KIF5C: variants seen among roughly 807,000 people sequenced by gnomAD.
KIF5C encodes kinesin heavy chain isoform 5C.
A neutral mutation model predicts 125.2 loss-of-function variants in KIF5C; 18 were observed. The observed-to-expected ratio is 0.14, with a 90% confidence interval of 0.10 to 0.21. The LOEUF is 0.21. Among genes scored for constraint, KIF5C ranks in the 10% least tolerant of loss-of-function variants. The probability of loss-of-function intolerance (pLI) is 1.00; values close to 1 mark genes in which losing one functional copy is unlikely to be tolerated. For missense variants in KIF5C, 780 were observed against 1,183.8 expected (o/e 0.66, Z 5.01); for synonymous variants, 405 against 434.0 (o/e 0.93, Z 0.83).
At chr2:149,000,222 C>A in intron 19 of KIF5C, 1 of 533,838 alleles carries the variant, frequency 1.9e-6, no homozygotes, top group Non-Finnish European at 3.2e-6. Flanking sequence ...TGTTTCATGA[C>A]TCTTAGATGC....
At chr2:148,881,347 A>G (rs1403048538) in intron 1 of KIF5C, among the ~76,000 whole-genome samples, 1 of 152,086 alleles carries the variant, frequency 6.6e-6, no homozygotes, top group Non-Finnish European at 1.5e-5. Flanking sequence ...GCTCTAGACT[A>G]CGTTAGCTGT....
chr2:148,998,617 T>A, intron 19 of KIF5C, 108 bp downstream of exon 19: 1 of 1,480,202 alleles, frequency 6.8e-7, no homozygotes, highest in Non-Finnish European at 9.1e-7. Context: ...CACCTTGCCC[T>A]GTGGGCACTG....
chr2:148,992,142 A>G (rs1005922341), intron 16 of KIF5C, among the ~76,000 whole-genome samples: 1 of 152,222 alleles, frequency 6.6e-6, no homozygotes, highest in African/African-American at 2.4e-5. Flanking sequence ...TAACCATAAT[A>G]ATGTGTAATC....
At chr2:148,958,302 T>C (rs1259977100) in intron 10 of KIF5C, among the ~76,000 whole-genome samples, 1 of 152,182 alleles carries the variant, frequency 6.6e-6, no homozygotes, top group African/African-American at 2.4e-5. Context: ...CTCTCTCCAG[T>C]AGTAGTTGAC....
At chr2:148,948,816 T>C (rs921328054) in intron 8 of KIF5C, among the ~76,000 whole-genome samples, 1 of 152,190 alleles carries the variant, frequency 6.6e-6, no homozygotes, top group Non-Finnish European at 1.5e-5. Flanking sequence ...AGAAAGCATC[T>C]TAAAATAACA....
At chr2:148,922,082 T>C in intron 1 of KIF5C, 55 bp from the exon 2 acceptor site, 1 of 1,248,744 alleles carries the variant, frequency 8.0e-7, no homozygotes, top group South Asian at 1.3e-5. Flanking sequence ...TTTTTATTCC[T>C]AAACATCTAA....
At position 148,991,014 on chromosome 2, in the gene KIF5C, CA is replaced by C; in HGVS notation, c.1722del (p.Asp575MetfsTer2). 1 of 1,612,690 alleles carries C rather than the reference CA, an allele frequency of 6.2e-7. No individual in the cohort carries two copies. The highest frequency in any genetic ancestry group is 8.5e-7 in the Non-Finnish European group (1 of 1,179,196). ...TGTGTCCCCTTCTTTGCTCAGTTGGCAGATGTGAATGGAGTCATTGAGGAGG... is the reference window on the plus strand; with the variant it reads ...TGTGTCCCCTTCTTTGCTCAGTTGGCGATGTGAATGGAGTCATTGAGGAGG... ...IIGTNDVKTL[A>X]DVNGVIEEEF... On this transcript the variant is annotated frameshift_variant, in exon 16 of 26. Transcript: ENST00000435030. LOFTEE classifies it high-confidence loss of function.
intron 1 of KIF5C, among the ~76,000 whole-genome samples, chr2:148,909,448 C>T (rs1558885639): frequency 6.6e-6 from 1 of 152,252 alleles, no homozygotes; most frequent in Admixed American, 6.5e-5. Flanking sequence ...TCTCCACTCC[C>T]TCAGAATGAA....
chr2:149,018,711 C>T (rs1009351960), intron 25 of KIF5C, among the ~76,000 whole-genome samples: 3 of 152,084 alleles, frequency 2.0e-5, no homozygotes, highest in Admixed American at 6.5e-5. Context: ...TGGCAGCTTA[C>T]GCCTGTAGTC....
In KIF5C at chr2:149,010,350, C is replaced by T. The variant is rs200547595; in HGVS notation, c.2766C>T (p.Ile922=). 3.6e-5 allele frequency: 56 copies of T among 1,572,898 alleles called. No homozygotes were observed. Among genetic ancestry groups the T allele is most frequent in the South Asian group, 1.2e-4 (10 of 84,802 alleles). ...CCAGAAGGGCCCATTCAGCCCAGAT[C>T]GGTACGTGCGTGCACAGTGGCGCCC... ...NMARRAHSAQ[I]AKPIRPGHYP... The change falls in exon 24 of 26, where the codon ATC becomes ATT. Residue 922 remains isoleucine (I), a splice_region_variant and synonymous_variant. Coordinates refer to ENST00000435030, the MANE Select transcript of KIF5C (RefSeq NM_004522.3).
At chr2:148,977,549 C>G (rs1171634818) in intron 12 of KIF5C, among the ~76,000 whole-genome samples, 1 of 152,178 alleles carries the variant, frequency 6.6e-6, no homozygotes, top group Non-Finnish European at 1.5e-5. Context: ...AAATAGTCTT[C>G]TAGTTGTAGA....
At chr2:148,894,702 CAA>C (rs1491213290) in intron 1 of KIF5C, among the ~76,000 whole-genome samples, 2 of 148,596 alleles carry the variant, frequency 1.3e-5, no homozygotes, top group South Asian at 2.1e-4. Flanking sequence ...AAGTTTAGTA[CAA>C]TATATATATA....
At chr2:148,972,884 C>T (rs1680956467) in intron 11 of KIF5C, among the ~76,000 whole-genome samples, 1 of 152,128 alleles carries the variant, frequency 6.6e-6, no homozygotes, top group African/African-American at 2.4e-5. Context: ...CAAACAATGC[C>T]AGTGTGTTTC....
chr2:148,929,957 A>G (rs1398182927), intron 3 of KIF5C, among the ~76,000 whole-genome samples: 1 of 152,198 alleles, frequency 6.6e-6, no homozygotes, highest in African/African-American at 2.4e-5. Context: ...TTCACTGTTC[A>G]CTTCATTGTC....
chr2:149,021,844 C>G (rs764990224), intron 25 of KIF5C, among the ~76,000 whole-genome samples: 1 of 151,912 alleles, frequency 6.6e-6, no homozygotes, highest in Non-Finnish European at 1.5e-5. Context: ...TCATCCCTGT[C>G]CCCATCCCCT....
chr2:148,942,029 C>G lies in KIF5C; in HGVS notation c.501+39C>G, dbSNP rs1558908196. 7.5e-6 allele frequency: 12 copies of G among 1,601,710 alleles called. No individual in the cohort carries two copies. The East Asian group carries it at 2.7e-4, about 36-fold the overall frequency. On this transcript the variant is annotated intron_variant, in intron 6 of 25. Coordinates refer to ENST00000435030, the MANE Select transcript of KIF5C (RefSeq NM_004522.3). ...TTGATTGGTGATGCAATTAATTTCT[C>G]TCCAGTCTCTGTCATAATAATTATT...
At chr2:148,930,527 C>G (rs535836750) in intron 3 of KIF5C, among the ~76,000 whole-genome samples, 1 of 152,072 alleles carries the variant, frequency 6.6e-6, no homozygotes, top group Non-Finnish European at 1.5e-5. Flanking sequence ...TTTTCATTTA[C>G]GATGCCCTCC....
At chr2:148,907,671 G>T (rs1055295178) in intron 1 of KIF5C, among the ~76,000 whole-genome samples, 5 of 152,360 alleles carry the variant, frequency 3.3e-5, no homozygotes, top group Non-Finnish European at 4.4e-5. Context: ...ATCAGGGGAA[G>T]AGTGGGAAGG....
intron 3 of KIF5C, among the ~76,000 whole-genome samples, chr2:148,930,379 A>G (rs1682149637): frequency 1.3e-5 from 2 of 151,212 alleles, no homozygotes; most frequent in Admixed American, 1.3e-4. Context: ...TCAGAGCCTG[A>G]TAATTCTTCT....
Sources: allele counts gnomAD v4.1 joint callset (sites outside exome capture counted in the v4.1 genomes callset), GRCh38; gene constraint gnomAD v4.1.1; transcripts MANE v1.5; gene names NCBI Gene and HGNC (gene_info 2026-07-23, HGNC 2026-07-21).